Variants in LRFN5 observed in about 807,000 individuals in gnomAD.
LRFN5 encodes the protein leucine rich repeat and fibronectin type III domain containing 5.
Under a neutral mutation model 45.6 loss-of-function variants are expected in LRFN5, and 24 were observed. The observed-to-expected ratio is 0.53, with a 90% CI of 0.38 to 0.74. LRFN5 has a LOEUF of 0.74. Ranked by LOEUF, LRFN5 falls within the 30% of genes least tolerant of loss-of-function variation. LRFN5 has a pLI of 0.00. For synonymous variants in LRFN5, 340 were observed against 313.8 expected (o/e 1.08, Z -0.88); for missense variants, 776 against 861.5 (o/e 0.90, Z 1.24).
intron 1 of LRFN5, among the ~76,000 whole-genome samples, chr14:41,608,898 A>G (rs1351950949): frequency 6.6e-6 from 1 of 152,184 alleles, no homozygotes; most frequent in Non-Finnish European, 1.5e-5. Context: ...GCCACGGACC[A>G]TTTGGTACCC....
chr14:41,751,857 G>C (rs58959998), intron 1 of LRFN5, among the ~76,000 whole-genome samples: 4,042 of 152,102 alleles, frequency 0.027, 183 homozygotes, highest in African/African-American at 0.092. Flanking sequence ...TTGGTGTGCT[G>C]CACCCATTAA....
At position 41,904,191 on chromosome 14, in the gene LRFN5, C is replaced by G; in HGVS notation, c.*16C>G. 1.9e-6 allele frequency: 3 copies of G among 1,606,568 alleles called. No homozygotes were observed. The highest frequency in any genetic ancestry group is 3.3e-4 in the Middle Eastern group (2 of 6,040). ...GTTAATCTGAAGAGCACCACTTCTC[C>G]TCTCTCTCCTGAAAAAATTTGCCAC... is the stretch of plus-strand genomic sequence containing the variant. On this transcript the variant is annotated 3_prime_UTR_variant, in exon 6 of 6. Coordinates refer to ENST00000298119, the MANE Select transcript of LRFN5 (RefSeq NM_152447.5).
In LRFN5 at chr14:41,848,231, A is replaced by T. The variant is rs569377101; in HGVS notation, c.-20-38375A>T. Reference sequence around the variant, plus strand: ...ATTCACATCACGCAAAATAAATAATAATAATAAAAACAAACAAACATTGAA... The same window carrying T: ...ATTCACATCACGCAAAATAAATAATTATAATAAAAACAAACAAACATTGAA... On this transcript the variant is annotated intron_variant, in intron 2 of 5. Transcript: ENST00000298119. 3.3e-5 allele frequency among the ~76,000 whole-genome samples: 5 copies of T among 152,220 alleles called. No homozygotes were observed. In the South Asian group the frequency reaches 1.0e-3, roughly 32 times the overall value.
At position 41,866,593 on chromosome 14, in the gene LRFN5, T is replaced by C. The variant is rs140475252; in HGVS notation, c.-20-20013T>C. Among the ~76,000 whole-genome samples the C allele has an allele frequency of 3.9e-3, 598 of 152,230 alleles. 7 individuals carry two copies. The highest frequency in any genetic ancestry group is 0.014 in the African/African-American group (573 of 41,530). On this transcript the variant is annotated intron_variant, in intron 2 of 5. Transcript: ENST00000298119. ...ACCTGGTCTTATTGCTTAGTTGCCT[T>C]TCCTTCAACTCACCCTGATAACCCC... is the stretch of plus-strand genomic sequence containing the variant.
At chr14:41,904,003 A>G (rs368618793) in intron 5 of LRFN5, among the ~76,000 whole-genome samples, 155 bp from the exon 6 acceptor site, 1 of 152,196 alleles carries the variant, frequency 6.6e-6, no homozygotes, top group South Asian at 2.1e-4. Flanking sequence ...GATAGTTTTC[A>G]TGGGTGTGTG....
At chr14:41,727,989 A>G (rs1002112992) in intron 1 of LRFN5, among the ~76,000 whole-genome samples, 1 of 152,012 alleles carries the variant, frequency 6.6e-6, no homozygotes, top group Middle Eastern at 3.2e-3. Flanking sequence ...GGTCAGTTGC[A>G]GTTTTGTCTG....
chr14:41,725,572 G>A (rs1398437477), intron 1 of LRFN5, among the ~76,000 whole-genome samples: 1 of 151,964 alleles, frequency 6.6e-6, no homozygotes, highest in Non-Finnish European at 1.5e-5. Context: ...ATATTTTTGG[G>A]GCCAGAACAT....
chr14:41,792,401 A>G (rs1594713415), intron 2 of LRFN5, among the ~76,000 whole-genome samples: 1 of 151,962 alleles, frequency 6.6e-6, no homozygotes, highest in Non-Finnish European at 1.5e-5. Context: ...CAAATTTACC[A>G]GGGTGGAGTT....
chr14:41,900,825 G>A (rs537579671), intron 5 of LRFN5, among the ~76,000 whole-genome samples: 147 of 152,216 alleles, frequency 9.7e-4, no homozygotes, highest in Non-Finnish European at 1.6e-3. Context: ...ACTGAAGACA[G>A]TGTGTGACCT....
chr14:41,831,499 T>C (rs1888479761), intron 2 of LRFN5, among the ~76,000 whole-genome samples: 1 of 152,168 alleles, frequency 6.6e-6, no homozygotes, highest in Admixed American at 6.6e-5. Context: ...CAGCGTATGC[T>C]ATACTTACAT....
At chr14:41,836,885 ATAG>A (rs1463148239) in intron 2 of LRFN5, among the ~76,000 whole-genome samples, 1 of 152,048 alleles carries the variant, frequency 6.6e-6, no homozygotes, top group Non-Finnish European at 1.5e-5. Context: ...AGTGAGGAAG[ATAG>A]TAGCAGCAGG....
chr14:41,768,896 A>T (rs1885982076), intron 2 of LRFN5, among the ~76,000 whole-genome samples: 1 of 152,208 alleles, frequency 6.6e-6, no homozygotes, highest in Admixed American at 6.5e-5. Flanking sequence ...GATTTTCTTA[A>T]TTAACCTGGA....
intron 1 of LRFN5, among the ~76,000 whole-genome samples, chr14:41,653,766 T>C (rs1372829492): frequency 2.0e-5 from 3 of 152,006 alleles, no homozygotes; most frequent in Non-Finnish European, 4.4e-5. Context: ...TCTATAGTGC[T>C]ACAGGGAAGA....
Position 41,839,324 on chromosome 14 carries a change from T to TAA in LRFN5, c.-20-47276_-20-47275dup, listed in dbSNP as rs1555325273. On this transcript the variant is annotated intron_variant, in intron 2 of 5. Transcript: ENST00000298119. Reference sequence around the variant, plus strand: ...AATAACCATAAGAGTAGATTTTTTTTAAAAAAAGAAGGAACTTCTTAATGA... The same window carrying TAA: ...AATAACCATAAGAGTAGATTTTTTTTAAAAAAAAAGAAGGAACTTCTTAATGA... Among the ~76,000 whole-genome samples, 511 of 151,896 alleles carry TAA rather than the reference T, an allele frequency of 3.4e-3. 3 individuals carry two copies. The highest frequency in any genetic ancestry group is 0.012 in the African/African-American group (486 of 41,430).
intron 1 of LRFN5, among the ~76,000 whole-genome samples, chr14:41,755,502 C>T (rs914422841): frequency 2.0e-5 from 3 of 152,106 alleles, no homozygotes; most frequent in Non-Finnish European, 4.4e-5. Context: ...TTGAATTGAT[C>T]CCTTTACCAT....
intron 2 of LRFN5, among the ~76,000 whole-genome samples, chr14:41,848,509 C>T (rs551317926): frequency 9.8e-4 from 147 of 150,286 alleles, no homozygotes; most frequent in African/African-American, 3.4e-3. Flanking sequence ...TTTTCGTATT[C>T]GTCAGAAGTA....
Position 41,904,174 on chromosome 14 carries a change from G to T in LRFN5, c.2159G>T (p.Ter720LeuextTer20). The change falls in exon 6 of 6, where the codon TGA becomes TTA. Residue 720 changes from the stop codon to leucine, a stop_lost. Coordinates refer to ENST00000298119, the MANE Select transcript of LRFN5 (RefSeq NM_152447.5). The part of the protein sequence containing the change: ...VQETQRLELI[*>L] The stretch of plus-strand genomic sequence containing the variant: ...TCATTTCAGAGGCTGGAGTTAATCT[G>T]AAGAGCACCACTTCTCCTCTCTCTC... The T allele has an allele frequency of 6.2e-7, 1 of 1,605,884 alleles. No individual in the cohort carries two copies. Among genetic ancestry groups the T allele is most frequent in the Non-Finnish European group, 8.5e-7 (1 of 1,177,210 alleles).
chr14:41,869,972 T>C (rs1167941286), intron 2 of LRFN5, among the ~76,000 whole-genome samples: 1 of 152,152 alleles, frequency 6.6e-6, no homozygotes, highest in Non-Finnish European at 1.5e-5. Context: ...ATCTAAATAT[T>C]TTTTATTAGT....
chr14:41,687,286 G>T (rs539618432), intron 1 of LRFN5, among the ~76,000 whole-genome samples: 1 of 152,276 alleles, frequency 6.6e-6, no homozygotes, highest in East Asian at 1.9e-4. Flanking sequence ...ACCACAATGA[G>T]ATACCATTTC....
Sources: allele counts gnomAD v4.1 joint callset (sites outside exome capture counted in the v4.1 genomes callset), GRCh38; gene constraint gnomAD v4.1.1; transcripts MANE v1.5; gene names NCBI Gene and HGNC (gene_info 2026-07-23, HGNC 2026-07-21).